Variants in WDR41 observed in about 807,000 individuals in gnomAD.
WDR41 encodes the protein WD repeat-containing protein 41.
A neutral mutation model predicts 69.3 loss-of-function variants in WDR41; 63 were observed. The observed-to-expected ratio is 0.91, with a 90% CI of 0.74 to 1.12. The LOEUF (loss-of-function observed/expected upper bound fraction) is 1.12, where lower values mean the gene tolerates loss of function less well. Ranked by LOEUF, WDR41 falls within the 50% of genes most tolerant of loss-of-function variation. The pLI is 0.00. For missense variants in WDR41, 543 were observed against 534.5 expected (o/e 1.02, Z -0.16); for synonymous variants, 185 against 192.1 (o/e 0.96, Z 0.31).
intron 11 of WDR41, among the ~76,000 whole-genome samples, chr5:77,436,923 A>G (rs1258957241): frequency 1.3e-5 from 2 of 152,238 alleles, no homozygotes; most frequent in Non-Finnish European, 2.9e-5. Flanking sequence ...TAAAATTATG[A>G]TATAAGCACA....
At chr5:77,573,701 AG>A (rs920343408) in intron 1 of WDR41, among the ~76,000 whole-genome samples, 1 of 152,142 alleles carries the variant, frequency 6.6e-6, no homozygotes, top group Admixed American at 6.6e-5. Context: ...AGAGATGAGG[AG>A]GGGGAAGGAG....
chr5:77,534,293 A>C (rs1159855260), intron 1 of WDR41, among the ~76,000 whole-genome samples: 2 of 152,076 alleles, frequency 1.3e-5, no homozygotes, highest in Non-Finnish European at 2.9e-5. Context: ...AATTTCAGAT[A>C]ATATTCTAGA....
At chr5:77,541,805 CTT>C (rs1042460856) in intron 1 of WDR41, among the ~76,000 whole-genome samples, 1 of 152,128 alleles carries the variant, frequency 6.6e-6, no homozygotes, top group Non-Finnish European at 1.5e-5. Flanking sequence ...AAAAGGAACA[CTT>C]TTACACTGTT....
intron 1 of WDR41, among the ~76,000 whole-genome samples, chr5:77,570,529 T>C (rs1285250030): frequency 6.8e-6 from 1 of 147,332 alleles, no homozygotes; most frequent in African/African-American, 2.5e-5. Context: ...ACATCACAGA[T>C]GTTGCTAATT....
Position 77,443,647 on chromosome 5 carries a change from T to A in WDR41, c.698-2650A>T, listed in dbSNP as rs528075290. 4.6e-5 allele frequency among the ~76,000 whole-genome samples: 7 copies of A among 152,230 alleles called. No homozygotes were observed. In the South Asian group the frequency reaches 1.2e-3, roughly 27 times the overall value. ...CACACCTTTCCCTCCTTTTTCCTAT[T>A]TCATTCAAACTACAAAAGAACCAGA... On this transcript the variant is annotated intron_variant, in intron 8 of 12. Transcript: ENST00000296679.
Position 77,529,906 on chromosome 5 carries a change from C to A in WDR41, c.43-40334G>T, listed in dbSNP as rs1802502105. 2.0e-5 allele frequency among the ~76,000 whole-genome samples: 3 copies of A among 151,654 alleles called. No homozygotes were observed. In the South Asian group the frequency reaches 6.2e-4, roughly 31 times the overall value. On this transcript the variant is annotated intron_variant, in intron 1 of 5. Coordinates refer to the WDR41 transcript ENST00000509971. ...GTAGACCTAAGCACAAAAAACAAAA[C>A]AAATAAATATTTTAGTTGGCAGCAT...
At chr5:77,468,936 C>A (rs1002480856) in intron 2 of WDR41, among the ~76,000 whole-genome samples, 7 of 151,942 alleles carry the variant, frequency 4.6e-5, no homozygotes, top group Admixed American at 1.3e-4. Flanking sequence ...GTTTTGTTCT[C>A]CATCTTTTTC....
At chr5:77,506,463 GT>G (rs1387048228) in intron 1 of WDR41, among the ~76,000 whole-genome samples, 1 of 152,210 alleles carries the variant, frequency 6.6e-6, no homozygotes, top group Non-Finnish European at 1.5e-5. Context: ...TTCAACCATT[GT>G]GGAAGACAGT....
intron 1 of WDR41, among the ~76,000 whole-genome samples, chr5:77,534,943 C>T (rs1742940526): frequency 6.6e-6 from 1 of 152,118 alleles, no homozygotes; most frequent in Non-Finnish European, 1.5e-5. Flanking sequence ...AATTAAGACT[C>T]AACAGTTTAA....
chr5:77,438,234 T>C lies in WDR41; in HGVS notation c.1004+6A>G. 3 of 1,613,924 alleles carry C rather than the reference T, an allele frequency of 1.9e-6. No homozygotes were observed. Among genetic ancestry groups the C allele is most frequent in the Non-Finnish European group, 2.5e-6 (3 of 1,179,806 alleles). The stretch of plus-strand genomic sequence containing the variant: ...CATCTATTGCAGAACAGATGGGAAC[T>C]TGTACCTGTTTGGAAGTCTGGCAAC... On this transcript the variant is annotated splice_donor_region_variant and intron_variant, in intron 10 of 12. Transcript: ENST00000296679.
chr5:77,510,213 A>G (rs1479533384), intron 1 of WDR41, among the ~76,000 whole-genome samples: 2 of 152,214 alleles, frequency 1.3e-5, no homozygotes, highest in African/African-American at 4.8e-5. Flanking sequence ...TCTTACATGG[A>G]TGGCAGCAGG....
At chr5:77,591,928 T>C (rs1744144365) in intron 1 of WDR41, among the ~76,000 whole-genome samples, 1 of 152,176 alleles carries the variant, frequency 6.6e-6, no homozygotes, top group African/African-American at 2.4e-5. Flanking sequence ...TTTATATTTC[T>C]ACTTATTTTC....
intron 2 of WDR41, among the ~76,000 whole-genome samples, chr5:77,468,965 T>G (rs1800429540): frequency 6.6e-6 from 1 of 152,134 alleles, no homozygotes; most frequent in African/African-American, 2.4e-5. Context: ...AATCTTTTTG[T>G]TGAAAAAAGT....
chr5:77,612,423 T>C (rs7735154), intron 1 of WDR41, among the ~76,000 whole-genome samples: 139,785 of 152,302 alleles, frequency 0.92, 64,315 homozygotes, highest in African/African-American at 0.98. Context: ...AATCCAGCAA[T>C]ACATCAAAAA....
chr5:77,435,466 G>A (rs976431593), intron 12 of WDR41, among the ~76,000 whole-genome samples: 40 of 152,296 alleles, frequency 2.6e-4, no homozygotes, highest in African/African-American at 9.4e-4. Context: ...GTAAACTCCA[G>A]CAGCCAGTGT....
rs563667894 is a variant in WDR41 at position 77,572,074 on chromosome 5, A to G, written c.42+48405T>C. 4.6e-5 allele frequency among the ~76,000 whole-genome samples: 7 copies of G among 152,262 alleles called. No individual in the cohort carries two copies. The South Asian group carries it at 1.4e-3, about 32-fold the overall frequency. ...AGGATGAAACCAATCTTGAAAAACC[A>G]AAGAATATGAAAGGGAGTTAGGAAG... On this transcript the variant is annotated intron_variant, in intron 1 of 5. Transcript: ENST00000509971.
At chr5:77,442,209 C>T (rs1056960908) in intron 8 of WDR41, among the ~76,000 whole-genome samples, 2 of 152,042 alleles carry the variant, frequency 1.3e-5, no homozygotes, top group Non-Finnish European at 2.9e-5. Context: ...GAAGGAAATA[C>T]ATAAATGTAC....
At chr5:77,614,292 CT>C (rs1171183064) in intron 1 of WDR41, among the ~76,000 whole-genome samples, 5 of 151,662 alleles carry the variant, frequency 3.3e-5, no homozygotes, top group Admixed American at 3.3e-4. Context: ...CATCCCATTA[CT>C]GGGTATATAC....
At chr5:77,443,448 G>A (rs1369630116) in intron 8 of WDR41, among the ~76,000 whole-genome samples, 2 of 152,090 alleles carry the variant, frequency 1.3e-5, no homozygotes, top group Non-Finnish European at 2.9e-5. Flanking sequence ...TATTTGTCTT[G>A]ACTCCAAGGC....
Sources: gnomAD v4.1 joint callset for allele counts (sites outside exome capture counted in the v4.1 genomes callset) on GRCh38, gnomAD v4.1.1 for gene constraint, MANE v1.5 for transcripts, NCBI Gene and HGNC (gene_info 2026-07-23, HGNC 2026-07-21) for gene names.